The following SYNE2 variants were observed in gnomAD, a reference collection of about 807,000 sequenced individuals.
SYNE2 encodes nesprin-2.
A neutral mutation model predicts 856.3 loss-of-function variants in SYNE2; 431 were observed. The ratio of observed to expected loss-of-function variants is 0.50; its 90% confidence interval spans 0.47 to 0.55. The LOEUF (loss-of-function observed/expected upper bound fraction) is 0.55, where lower values mean the gene tolerates loss of function less well. Among genes scored for constraint, SYNE2 ranks in the 20% least tolerant of loss-of-function variants. The pLI is 0.00. For missense variants in SYNE2, 8,129 were observed against 8,023.2 expected (o/e 1.01, Z -0.50); for synonymous variants, 2,923 against 2,872.3 (o/e 1.02, Z -0.56).
chr14:64,053,291 T>A lies in SYNE2; in HGVS notation c.9378T>A (p.Asn3126Lys). The A allele has an allele frequency of 6.2e-7, 1 of 1,608,378 alleles. No individual in the cohort carries two copies. Among genetic ancestry groups the A allele is most frequent in the East Asian group, 2.2e-5 (1 of 44,840 alleles). Residue 3126 changes from asparagine to lysine, a missense_variant, in exon 48 of 116, where the codon AAT becomes AAA. Coordinates refer to ENST00000555002, the MANE Select transcript of SYNE2 (RefSeq NM_182914.3). ...KEKEILQIKL[N>K]AEENDKLYKV... ...AAGAAATACTACAAATAAAGCTGAA[T>A]GCAGAAGAAAATGATAAGTTATACA...
chr14:64,217,172 C>T (rs2098670504), intron 108 of SYNE2, among the ~76,000 whole-genome samples: 1 of 152,208 alleles, frequency 6.6e-6, no homozygotes, highest in Non-Finnish European at 1.5e-5. Flanking sequence ...CTTCTGTAAG[C>T]CTTTCTCACC....
chr14:63,994,788 CTG>C (rs1312067259), intron 22 of SYNE2, among the ~76,000 whole-genome samples: 1 of 152,114 alleles, frequency 6.6e-6, no homozygotes, highest in East Asian at 1.9e-4. Context: ...TTCCCTCAGT[CTG>C]TAGCTTGTCT....
chr14:64,003,964 C>T (rs1192823779), intron 30 of SYNE2, among the ~76,000 whole-genome samples: 1 of 152,100 alleles, frequency 6.6e-6, no homozygotes, highest in Non-Finnish European at 1.5e-5. Flanking sequence ...AAAATGTTAG[C>T]AACAGTCGCT....
chr14:64,210,855 C>T (rs1472461127), intron 103 of SYNE2, among the ~76,000 whole-genome samples: 1 of 152,134 alleles, frequency 6.6e-6, no homozygotes, highest in Non-Finnish European at 1.5e-5. Flanking sequence ...CTCTCTCCCC[C>T]TCCCTCCTTC....
Position 64,177,461 on chromosome 14 carries a change from A to C in SYNE2, c.17534A>C (p.His5845Pro), listed in dbSNP as rs748958703. The C allele has an allele frequency of 1.2e-6, 2 of 1,614,232 alleles. No homozygotes were observed. Among genetic ancestry groups the C allele is most frequent in the South Asian group, 2.2e-5 (2 of 91,090 alleles). Reference protein sequence around the residue: ...DPLPELHEDLHNEKELIKELE... With the variant: ...DPLPELHEDLPNEKELIKELE... Reference sequence around the variant, plus strand: ...CTTCCAGAGCTTCACGAGGACCTCCATAACGAAAAAGAGCTGATTAAGGTA... The same window carrying C: ...CTTCCAGAGCTTCACGAGGACCTCCCTAACGAAAAAGAGCTGATTAAGGTA... The change falls in exon 96 of 116, where the codon CAT becomes CCT. Residue 5845 changes from histidine to proline, a missense_variant. Physicochemically the swap from His to Pro is moderately conservative, Grantham distance 77. Transcript: ENST00000555002.
At position 64,128,465 on chromosome 14, in the gene SYNE2, G is replaced by T. The variant is rs765044515; in HGVS notation, c.13931G>T (p.Arg4644Ile). The change falls in exon 74 of 116, where the codon AGA (arginine) becomes ATA (isoleucine). Residue 4644 changes from arginine to isoleucine, a missense_variant. Physicochemically the swap from Arg to Ile is moderately conservative, Grantham distance 97. Transcript: ENST00000555002. ...TTTATCTTACAGAATGAAATAAAGA[G>T]ATTATATCATCAGCTCATTAAGAGT... ...YNRSYQNEIKRLYHQLIKSKT... is the reference protein window; with the variant it reads ...YNRSYQNEIKILYHQLIKSKT... The T allele has an allele frequency of 7.1e-6, 11 of 1,554,478 alleles. No homozygotes were observed.
chr14:64,047,900 C>T (rs2097197777), intron 45 of SYNE2, 100 bp from the exon 46 acceptor site: 1 of 1,311,106 alleles, frequency 7.6e-7, no homozygotes. Flanking sequence ...GTCTATAATC[C>T]AAGTAAACAG....
rs1254100149 is a variant in SYNE2, at chr14:63,963,803, G to A, written c.889-96G>A. On this transcript the variant is annotated intron_variant, in intron 9 of 115. Coordinates refer to ENST00000555002, the MANE Select transcript of SYNE2 (RefSeq NM_182914.3). Reference sequence around the variant, plus strand: ...TAATGAATCATTGGTGTGTAATGATGGCATTATTTCACTGATGTTTCAAGT... The same window carrying A: ...TAATGAATCATTGGTGTGTAATGATAGCATTATTTCACTGATGTTTCAAGT... 4 of 760,670 alleles carry A rather than the reference G, an allele frequency of 5.3e-6. No individual in the cohort carries two copies. The African/African-American group carries it at 6.9e-5, about 13-fold the overall frequency. 47.1% of individuals were successfully genotyped at this position (760,670 alleles called of 1,614,324 possible).
intron 60 of SYNE2, 136 bp from the exon 61 acceptor site, chr14:64,093,213 C>T: frequency 1.0e-6 from 1 of 978,552 alleles, no homozygotes; most frequent in Non-Finnish European, 1.6e-6. Context: ...TTTAGGCTAC[C>T]ACGTCCTATT....
rs2097882383 is a variant in SYNE2, at chr14:64,119,589, G to A, written c.13003G>A (p.Glu4335Lys). 7.4e-6 allele frequency: 12 copies of A among 1,614,118 alleles called. No homozygotes were observed. The highest frequency in any genetic ancestry group is 1.0e-5 in the Non-Finnish European group (12 of 1,180,026). The change falls in exon 67 of 116, where the codon GAG becomes AAG. Residue 4335 changes from glutamate (E) to lysine (K), a missense_variant. Around this residue, in one of 3 missense-constraint regions of SYNE2, gnomAD observed 5,410 missense variants for 5,284.8 expected, o/e 1.02. Coordinates refer to ENST00000555002, the MANE Select transcript of SYNE2 (RefSeq NM_182914.3). ...AGAAAAAGTCCAGATGATGCTTCAGGAGAAGCACAGTGAAGATCAGGTAAA... is the reference window on the plus strand; with the variant it reads ...AGAAAAAGTCCAGATGATGCTTCAGAAGAAGCACAGTGAAGATCAGGTAAA... The part of the protein sequence containing the change: ...NLEKVQMMLQ[E>K]KHSEDQHPTI...
chr14:63,938,192 C>T (rs2095856334), intron 2 of SYNE2, among the ~76,000 whole-genome samples: 1 of 152,164 alleles, frequency 6.6e-6, no homozygotes, highest in South Asian at 2.1e-4. Context: ...TGTGATGGCT[C>T]ACGCCTGTAA....
chr14:63,958,592 T>C (rs1363490937), intron 8 of SYNE2, among the ~76,000 whole-genome samples: 1 of 152,224 alleles, frequency 6.6e-6, no homozygotes, highest in Non-Finnish European at 1.5e-5. Context: ...GCTGAGCTAG[T>C]GCTGATCAGG....
chr14:64,146,822 G>T (rs1334118774), intron 84 of SYNE2, among the ~76,000 whole-genome samples: 1 of 152,162 alleles, frequency 6.6e-6, no homozygotes, highest in Non-Finnish European at 1.5e-5. Context: ...TCGCCATCAC[G>T]GCAGGCGGCA....
At chr14:64,160,163 T>A (rs1673332297) in intron 87 of SYNE2, among the ~76,000 whole-genome samples, 1 of 152,206 alleles carries the variant, frequency 6.6e-6, no homozygotes, top group Non-Finnish European at 1.5e-5. Context: ...TGATCCAGTC[T>A]TTATTGGAAG....
intron 1 of SYNE2, among the ~76,000 whole-genome samples, chr14:63,856,276 C>G (rs1183398277): frequency 6.6e-6 from 1 of 152,202 alleles, no homozygotes; most frequent in Non-Finnish European, 1.5e-5. Flanking sequence ...GTTTAAGAAA[C>G]TGGGCATCAG....
chr14:63,919,397 T>C (rs1182825307), intron 2 of SYNE2, among the ~76,000 whole-genome samples: 1 of 152,204 alleles, frequency 6.6e-6, no homozygotes, highest in Non-Finnish European at 1.5e-5. Context: ...AAGTGCAGCA[T>C]GGAAGCGGGT....
chr14:63,928,238 G>T (rs1361214868), intron 2 of SYNE2, among the ~76,000 whole-genome samples: 1 of 152,172 alleles, frequency 6.6e-6, no homozygotes, highest in Non-Finnish European at 1.5e-5. Context: ...CTGGACTGGG[G>T]AGAGATAGGG....
chr14:64,038,615 G>A (rs1326228294), intron 45 of SYNE2, among the ~76,000 whole-genome samples: 12 of 152,238 alleles, frequency 7.9e-5, no homozygotes, highest in Non-Finnish European at 1.3e-4. Flanking sequence ...CGAGGCTGGT[G>A]GATCACTCGG....
chr14:63,766,809 A>G (rs552888596), intron 1 of SYNE2, among the ~76,000 whole-genome samples: 7 of 152,294 alleles, frequency 4.6e-5, no homozygotes, highest in African/African-American at 1.7e-4. Flanking sequence ...AAAAGGCCTT[A>G]GATCTCCTTC....
Sources: allele counts gnomAD v4.1 joint callset (sites outside exome capture counted in the v4.1 genomes callset), GRCh38; gene constraint gnomAD v4.1.1; regional missense constraint gnomAD v4.1.1; transcripts MANE v1.5; gene names NCBI Gene and HGNC (gene_info 2026-07-23, HGNC 2026-07-21).